The following CDHR5 variants were observed in gnomAD, a reference collection of about 807,000 sequenced individuals.
CDHR5 encodes the protein cadherin related family member 5, also known as cadherin-related family member 5.
A neutral mutation model predicts 69.5 loss-of-function variants in CDHR5; 82 were observed. That is an observed-to-expected ratio of 1.18 (90% CI 0.99 to 1.42). The LOEUF is 1.42. CDHR5 is among the 40% of genes most tolerant of loss of function. CDHR5 has a pLI of 0.00. For missense variants in CDHR5, 1,293 were observed against 1,168.9 expected (o/e 1.11, Z -1.55); for synonymous variants, 601 against 510.2 (o/e 1.18, Z -2.40).
intron 3 of CDHR5, among the ~76,000 whole-genome samples, chr11:623,797 C>A (rs758635571): frequency 6.6e-6 from 1 of 152,024 alleles, no homozygotes; most frequent in Non-Finnish European, 1.5e-5. Flanking sequence ...GTGCTGGTGT[C>A]CCGGCCCTGA....
rs768558295 is a variant in CDHR5 at position 620,085 on chromosome 11, G to A, written c.960C>T (p.Thr320=). ...ACCTCACCTTCACCAGCAGAAGGAA[G>A]GTCATGGGGCTGGGGACACTCCTGG... The part of the protein sequence containing the change: ...TVARSVPSPM[T]FLLLVKGQQA... The change falls in exon 9 of 15, where the codon ACC becomes ACT. Residue 320 remains threonine (T), a synonymous_variant. Transcript: ENST00000397542. The A allele has an allele frequency of 6.2e-7, 1 of 1,612,704 alleles. No homozygotes were observed. Among genetic ancestry groups the A allele is most frequent in the East Asian group, 2.2e-5 (1 of 44,838 alleles).
Position 617,771 on chromosome 11 carries a change from C to T in CDHR5, c.2119-1G>A, listed in dbSNP as rs756124038. ...TGTCAAAGCCTTGGGGCTGGGGCTC[C>T]TGCAGGCGGGAGTCGAGGCGTCAGC... On this transcript the variant is annotated splice_acceptor_variant, in intron 14 of 14. Transcript: ENST00000397542. LOFTEE classifies it high-confidence loss of function. 1.1e-5 allele frequency: 16 copies of T among 1,452,742 alleles called. No homozygotes were observed. Among genetic ancestry groups the T allele is most frequent in the East Asian group, 4.9e-5 (2 of 40,686 alleles). The allele number at this position is 1,452,742 out of a possible 1,614,324, so 90.0% of individuals were successfully genotyped here.
In CDHR5 at chr11:619,482, AG is replaced by A. The variant is rs747067613; in HGVS notation, c.1284del (p.Tyr429ThrfsTer10). 6 of 1,612,036 alleles carry A rather than the reference AG, an allele frequency of 3.7e-6. No homozygotes were observed. In the African/African-American group the frequency reaches 8.0e-5, roughly 22 times the overall value. The part of the protein sequence containing the change: ...TTTTLAQAGA[F>X]YAEVEAHNTV... ...CCTGCCCTGCCCCGCACCTCTGCGT[AG>A]AAGGCTCCCGCCTGTGCCAGTGTGG... On this transcript the variant is annotated frameshift_variant, in exon 11 of 15. Transcript: ENST00000397542. LOFTEE classifies it high-confidence loss of function.
At position 618,994 on chromosome 11, in the gene CDHR5, G is replaced by A. The variant is rs1387859768; in HGVS notation, c.1565C>T (p.Pro522Leu). 1.2e-5 allele frequency: 19 copies of A among 1,608,472 alleles called. No individual in the cohort carries two copies. Among genetic ancestry groups the A allele is most frequent in the Middle Eastern group, 1.6e-4 (1 of 6,066 alleles). ...GTGGGAGGTGCTGTTTTCTGCACCC[G>A]GGGGCCCCCCGGGTGTGGACGAGGT... is the stretch of plus-strand genomic sequence containing the variant. ...PPTSSTPGGP[P>L]GAENSTSHQP... The change falls in exon 13 of 15, where the codon CCG becomes CTG. Residue 522 changes from proline to leucine, a missense_variant. Coordinates refer to ENST00000397542, the MANE Select transcript of CDHR5 (RefSeq NM_021924.5).
chr11:623,249 C>T (rs1435406731), intron 3 of CDHR5, among the ~76,000 whole-genome samples: 2 of 152,164 alleles, frequency 1.3e-5, no homozygotes, highest in Admixed American at 1.3e-4. Flanking sequence ...GCGGAAGTTG[C>T]AGTGAGCCGA....
Position 619,457 on chromosome 11 carries a change from C to T in CDHR5, c.1293+17G>A, listed in dbSNP as rs118036748. Reference sequence around the variant, plus strand: ...AGCCCCACACCCTTGGAGATGCCCGCCTGCCCTGCCCCGCACCTCTGCGTA... The same window carrying T: ...AGCCCCACACCCTTGGAGATGCCCGTCTGCCCTGCCCCGCACCTCTGCGTA... On this transcript the variant is annotated intron_variant, in intron 11 of 14. Coordinates refer to ENST00000397542, the MANE Select transcript of CDHR5 (RefSeq NM_021924.5). The T allele has an allele frequency of 1.3e-3, 2,050 of 1,608,512 alleles. 27 individuals are homozygous for T. The East Asian group carries it at 0.037, about 29-fold the overall frequency.
chr11:624,391 G>A lies in CDHR5; in HGVS notation c.262-128C>T, dbSNP rs756076192. ...AGTGCTGAGGGTGTGGGCCCAGGCAGCTTCATCCCGAAATGGCCCAGCCTT... is the reference window on the plus strand; with the variant it reads ...AGTGCTGAGGGTGTGGGCCCAGGCAACTTCATCCCGAAATGGCCCAGCCTT... On this transcript the variant is annotated intron_variant, in intron 2 of 14. Transcript: ENST00000397542. This position sits in a 1 kb window ranked among gnomAD's most constrained non-coding sequence, Gnocchi z 5.3. 5.1e-6 allele frequency: 4 copies of A among 783,146 alleles called. No individual in the cohort carries two copies. The highest frequency in any genetic ancestry group is 9.0e-6 in the Non-Finnish European group (4 of 443,282). 48.5% of individuals were successfully genotyped at this position (783,146 alleles called of 1,614,324 possible).
chr11:616,962 G>C lies in CDHR5; in HGVS notation c.*389C>G. On this transcript the variant is annotated 3_prime_UTR_variant, in exon 15 of 15. Coordinates refer to ENST00000397542, the MANE Select transcript of CDHR5 (RefSeq NM_021924.5). ...TCTCTGTGTAGGGTCGGGAGCGGGA[G>C]GTCTGAGATGAGCCGGGTGCCTGAG... The C allele has an allele frequency of 2.6e-5, 6 of 234,872 alleles. No individual in the cohort carries two copies. Among genetic ancestry groups the C allele is most frequent in the South Asian group, 9.2e-5 (1 of 10,916 alleles). 14.5% of individuals were successfully genotyped at this position (234,872 alleles called of 1,614,324 possible).
At chr11:622,620 T>G (rs1857478728) in intron 3 of CDHR5, among the ~76,000 whole-genome samples, 1 of 151,902 alleles carries the variant, frequency 6.6e-6, no homozygotes, top group Non-Finnish European at 1.5e-5. Flanking sequence ...GGATTACAGG[T>G]GCCTGCCACC....
intron 3 of CDHR5, among the ~76,000 whole-genome samples, chr11:622,365 T>C (rs903698045): frequency 2.0e-5 from 3 of 151,056 alleles, no homozygotes; most frequent in Non-Finnish European, 4.4e-5. Context: ...ATGCAGGTAC[T>C]TGGGGATGCA....
Position 617,072 on chromosome 11 carries a change from A to C in CDHR5, c.*279T>G. The C allele has an allele frequency of 2.0e-6, 1 of 506,110 alleles. No homozygotes were observed. Among genetic ancestry groups the C allele is most frequent in the South Asian group, 2.8e-5 (1 of 36,014 alleles). The allele number at this position is 506,110 out of a possible 1,614,324, so 31.4% of individuals were successfully genotyped here. A position where few individuals can be genotyped will look rare whatever the true frequency, so the allele number is the denominator to read the frequency against. ...GAACTTCCCAGACTAGCTGGCACAG[A>C]GCCTCGGGAAGGCGGCGGGCACTGC... On this transcript the variant is annotated 3_prime_UTR_variant, in exon 15 of 15. Coordinates refer to ENST00000397542, the MANE Select transcript of CDHR5 (RefSeq NM_021924.5).
At chr11:620,417 G>T (rs377309569) in intron 7 of CDHR5, 31 bp from the exon 8 acceptor site, 6 of 1,498,448 alleles carry the variant, frequency 4.0e-6, no homozygotes, top group Non-Finnish European at 1.8e-6. Context: ...AGGGCACGTC[G>T]TGGGGCTGGG....
At position 617,369 on chromosome 11, in the gene CDHR5, A is replaced by G. The variant is rs1856976067; in HGVS notation, c.2520T>C (p.Gly840=). The G allele has an allele frequency of 1.2e-6, 2 of 1,606,204 alleles. No homozygotes were observed. The highest frequency in any genetic ancestry group is 1.3e-5 in the African/African-American group (1 of 74,612). Residue 840 remains glycine (G), a synonymous_variant, in exon 15 of 15, where the codon GGT becomes GGC. Coordinates refer to ENST00000397542, the MANE Select transcript of CDHR5 (RefSeq NM_021924.5). ...GGGCCACTTAGATGTAGGAGTCATC[A>G]CCACCGGGCGCATCGTAGGGACCCC... ...RGGGPYDAPG[G]DDSYI is the part of the protein sequence containing the mutation.
Position 617,336 on chromosome 11 carries a change from G to C in CDHR5, c.*15C>G. ...CCAGTGCCCGTGCGGCTGGGGGAGA[G>C]GGTGGAGGGGCCACTTAGATGTAGG... is the stretch of plus-strand genomic sequence containing the variant. On this transcript the variant is annotated 3_prime_UTR_variant, in exon 15 of 15. Transcript: ENST00000397542. The C allele has an allele frequency of 1.3e-6, 2 of 1,571,506 alleles. No homozygotes were observed. Among genetic ancestry groups the C allele is most frequent in the African/African-American group, 2.7e-5 (2 of 73,938 alleles).
In CDHR5 at chr11:618,696, G is replaced by C. The variant is rs1231316247; in HGVS notation, c.1863C>G (p.Thr621=). The change falls in exon 13 of 15, where the codon ACC becomes ACG. Residue 621 remains threonine, a synonymous_variant. Transcript: ENST00000397542. Reference sequence around the variant, plus strand: ...CACCGGGTGTGGTTGGTTGGTGGGAGGTGCTGGTTCCCATACCGGGGGGCA... The same window carrying C: ...CACCGGGTGTGGTTGGTTGGTGGGACGTGCTGGTTCCCATACCGGGGGGCA... The part of the protein sequence containing the change: ...QPMPPGMGTS[T]SHQPTTPGGG... The C allele has an allele frequency of 1.3e-6, 2 of 1,589,104 alleles. No individual in the cohort carries two copies. Among genetic ancestry groups the C allele is most frequent in the Non-Finnish European group, 1.7e-6 (2 of 1,166,922 alleles).
chr11:620,363 G>A lies in CDHR5; in HGVS notation c.813C>T (p.Pro271=), dbSNP rs747449707. ...CTCCGTCCTCAGCGTAGATGGGTCC[G>A]GGACGCAGGACGAGGGGAGATGGCT... ...HILPSPLVLR[P]GPIYAEDGDR... is the part of the protein sequence containing the mutation. Residue 271 remains proline, a synonymous_variant, in exon 8 of 15, where the codon CCC becomes CCT. Transcript: ENST00000397542. 33 of 1,610,404 alleles carry A rather than the reference G, an allele frequency of 2.0e-5. No homozygotes were observed. The highest frequency in any genetic ancestry group is 2.4e-5 in the Non-Finnish European group (28 of 1,177,764).
Position 621,958 on chromosome 11 carries a change from A to C in CDHR5, c.313-54T>G. ...ACAGCCCCTCCCCGTTGTGAGGTGC[A>C]CCCCTCGACGGCTATCCGTCCCCAC... is the stretch of plus-strand genomic sequence containing the variant. On this transcript the variant is annotated intron_variant, in intron 3 of 14. Coordinates refer to ENST00000397542, the MANE Select transcript of CDHR5 (RefSeq NM_021924.5). The surrounding 1 kb of genome is among the most constrained non-coding windows in gnomAD (Gnocchi z 4.4). 1.4e-6 allele frequency: 2 copies of C among 1,405,024 alleles called. No homozygotes were observed. The highest frequency in any genetic ancestry group is 9.9e-7 in the Non-Finnish European group (1 of 1,006,640). 87.0% of individuals were successfully genotyped at this position (1,405,024 alleles called of 1,614,324 possible). A position where few individuals can be genotyped will look rare whatever the true frequency, so the allele number is the denominator to read the frequency against.
In CDHR5 at chr11:621,843, G is replaced by A; in HGVS notation, c.374C>T (p.Pro125Leu). The stretch of plus-strand genomic sequence containing the variant: ...CACCCTTATCTCCTTGGTCTTAAAG[G>A]GGAATTCGGGGGCATTGTCATTGAC... ...LDVNDNAPEF[P>L]FKTKEIRVEE... The change falls in exon 4 of 15, where the codon CCC becomes CTC. Residue 125 changes from proline to leucine, a missense_variant. Transcript: ENST00000397542. The surrounding 1 kb of genome is among the most constrained non-coding windows in gnomAD (Gnocchi z 4.4). 1 of 1,613,728 alleles carries A rather than the reference G, an allele frequency of 6.2e-7. No homozygotes were observed. The highest frequency in any genetic ancestry group is 8.5e-7 in the Non-Finnish European group (1 of 1,179,878).
rs1235746477 is a variant in CDHR5, at chr11:621,247, T to C, written c.622A>G (p.Thr208Ala). Residue 208 changes from threonine (T) to alanine (A), a missense_variant, in exon 7 of 15, where the codon ACT becomes GCT. Transcript: ENST00000397542. The surrounding 1 kb of genome is among the most constrained non-coding windows in gnomAD (Gnocchi z 4.4). ...CTGGGTTCCACATTCTCCCCCGGAG[T>C]GTCCTGCAACAGACGGCTGTGCTGG... Reference protein sequence around the residue: ...NMTFWLLVRDTPGENVEPSHT... With the variant: ...NMTFWLLVRDAPGENVEPSHT... The C allele has an allele frequency of 1.9e-6, 3 of 1,598,800 alleles. No homozygotes were observed. In the East Asian group the frequency reaches 6.7e-5, roughly 36 times the overall value.
Sources: gnomAD v4.1 joint callset for allele counts (sites outside exome capture counted in the v4.1 genomes callset) on GRCh38, gnomAD v4.1.1 for gene constraint, Gnocchi (gnomAD v3.1) non-coding constraint, MANE v1.5 for transcripts, NCBI Gene and HGNC (gene_info 2026-07-23, HGNC 2026-07-21) for gene names.